ANO5: variants seen among roughly 807,000 people sequenced by gnomAD.
ANO5 encodes the protein anoctamin 5.
Under a neutral mutation model 121.0 loss-of-function variants are expected in ANO5, and 109 were observed. That is an observed-to-expected ratio of 0.90 (90% confidence interval 0.77 to 1.06). The LOEUF is 1.06. ANO5 is among the 50% of genes least tolerant of loss of function. The probability of loss-of-function intolerance (pLI) is 0.00; values close to 1 mark genes in which losing one functional copy is unlikely to be tolerated. For synonymous variants in ANO5, 406 were observed against 359.9 expected (o/e 1.13, Z -1.45); for missense variants, 1,064 against 1,078.5 (o/e 0.99, Z 0.19).
intron 2 of ANO5, among the ~76,000 whole-genome samples, chr11:22,208,192 G>T (rs538333049): frequency 6.6e-6 from 1 of 152,118 alleles, no homozygotes; most frequent in African/African-American, 2.4e-5. Flanking sequence ...TTATCCAGCA[G>T]AAATGTAAAC....
At chr11:22,203,606 T>C (rs932416097) in intron 1 of ANO5, among the ~76,000 whole-genome samples, 198 bp from the exon 2 acceptor site, 1 of 152,188 alleles carries the variant, frequency 6.6e-6, no homozygotes, top group Non-Finnish European at 1.5e-5. Flanking sequence ...TTTCCTGTTA[T>C]AGGCAGTTTT....
At chr11:22,272,761 A>G (rs200051920) in intron 18 of ANO5, 23 bp from the exon 19 acceptor site, 392 of 1,602,214 alleles carry the variant, frequency 2.4e-4, no homozygotes, top group Non-Finnish European at 3.2e-4. Flanking sequence ...TAATGAGTTC[A>G]TGCCTTTTTC....
intron 9 of ANO5, among the ~76,000 whole-genome samples, chr11:22,244,465 G>C (rs1481061180): frequency 6.6e-6 from 1 of 151,954 alleles, no homozygotes; most frequent in Non-Finnish European, 1.5e-5. Flanking sequence ...CATTTTTATA[G>C]ACTATATCCT....
chr11:22,269,571 GAAA>G (rs1228975968), intron 17 of ANO5, among the ~76,000 whole-genome samples: 2 of 146,356 alleles, frequency 1.4e-5, no homozygotes, highest in African/African-American at 2.7e-5. Context: ...GAAAAGGAAA[GAAA>G]AAAAGAAAGA....
Position 22,270,462 on chromosome 11 carries a change from T to A in ANO5, c.2029+20T>A, listed in dbSNP as rs751432635. Reference sequence around the variant, plus strand: ...AAACAGGTAATTTTTAACCACTGTTTTGAAACATAGAGTTGGCATGAATGA... The same window carrying A: ...AAACAGGTAATTTTTAACCACTGTTATGAAACATAGAGTTGGCATGAATGA... On this transcript the variant is annotated intron_variant, in intron 18 of 21. Transcript: ENST00000324559. 101 of 1,613,676 alleles carry A rather than the reference T, an allele frequency of 6.3e-5. No homozygotes were observed. The highest frequency in any genetic ancestry group is 8.4e-5 in the Non-Finnish European group (99 of 1,179,806).
At chr11:22,196,121 A>T (rs752065478) in intron 1 of ANO5, among the ~76,000 whole-genome samples, 17 of 152,146 alleles carry the variant, frequency 1.1e-4, no homozygotes, top group Non-Finnish European at 1.8e-4. Context: ...ATAACAGAAT[A>T]CCACAGCCTG....
At position 22,274,642 on chromosome 11, in the gene ANO5, CA is replaced by C. The variant is rs1854763925; in HGVS notation, c.2310del (p.Gln771SerfsTer3). On this transcript the variant is annotated frameshift_variant, in exon 20 of 22. Transcript: ENST00000324559. LOFTEE classifies it high-confidence loss of function. ...VYYYAYSTNA[T>X]QPMTGYVNNS... ...TACTATGCTTACTCAACAAATGCCA[CA>C]CAGCCTATGACAGGATATGTGAATA... 1 of 1,613,300 alleles carries C rather than the reference CA, an allele frequency of 6.2e-7. No individual in the cohort carries two copies. The highest frequency in any genetic ancestry group is 1.7e-5 in the Admixed American group (1 of 59,958).
intron 9 of ANO5, among the ~76,000 whole-genome samples, chr11:22,241,248 T>A (rs1853419473): frequency 6.6e-6 from 1 of 152,106 alleles, no homozygotes; most frequent in African/African-American, 2.4e-5. Context: ...TAGTTCCCAC[T>A]TACAAGTGGT....
At chr11:22,194,107 C>G (rs1349936245) in intron 1 of ANO5, among the ~76,000 whole-genome samples, 2 of 152,206 alleles carry the variant, frequency 1.3e-5, no homozygotes, top group Admixed American at 1.3e-4. Flanking sequence ...GCTGCTGCTG[C>G]TGCTGCTGCT....
chr11:22,258,570 G>T (rs1332372351), intron 14 of ANO5, among the ~76,000 whole-genome samples: 1 of 152,110 alleles, frequency 6.6e-6, no homozygotes, highest in Non-Finnish European at 1.5e-5. Context: ...AATATGGGAA[G>T]TATACAAAAT....
rs984866296 is a variant in ANO5 at position 22,193,142 on chromosome 11, A to G, written c.-351A>G. 2.7e-6 allele frequency: 3 copies of G among 1,114,838 alleles called. No homozygotes were observed. Among genetic ancestry groups the G allele is most frequent in the South Asian group, 2.5e-5 (1 of 39,834 alleles). 69.1% of individuals were successfully genotyped at this position (1,114,838 alleles called of 1,614,324 possible). A position where few individuals can be genotyped will look rare whatever the true frequency, so the allele number is the denominator to read the frequency against. ...GCGGCTGCGGGATCAGCTGCCGAGC[A>G]GGCACAGGGACAGGTGCCTGGAGAA... On this transcript the variant is annotated 5_prime_UTR_variant, in exon 1 of 22. Coordinates refer to ENST00000324559, the MANE Select transcript of ANO5 (RefSeq NM_213599.3).
At chr11:22,207,877 T>A (rs1242470403) in intron 2 of ANO5, among the ~76,000 whole-genome samples, 1 of 151,982 alleles carries the variant, frequency 6.6e-6, no homozygotes, top group Non-Finnish European at 1.5e-5. Flanking sequence ...AAATACATAT[T>A]GAGATCTTTC....
rs1305665401 is a variant in ANO5, at chr11:22,274,653, A to G, written c.2320A>G (p.Thr774Ala). The G allele has an allele frequency of 6.2e-7, 1 of 1,613,462 alleles. No homozygotes were observed. Among genetic ancestry groups the G allele is most frequent in the Non-Finnish European group, 8.5e-7 (1 of 1,179,686 alleles). Reference protein sequence around the residue: ...AYSTNATQPMTGYVNNSLSVF... With the variant: ...AYSTNATQPMAGYVNNSLSVF... ...CTCAACAAATGCCACACAGCCTATG[A>G]CAGGATATGTGAATAATAGCCTGTC... The change falls in exon 20 of 22, where the codon ACA (threonine) becomes GCA (alanine). Residue 774 changes from threonine to alanine, a missense_variant. Transcript: ENST00000324559.
chr11:22,246,334 T>C (rs1853614079), intron 9 of ANO5, among the ~76,000 whole-genome samples: 1 of 152,150 alleles, frequency 6.6e-6, no homozygotes, highest in Non-Finnish European at 1.5e-5. Context: ...TTTACATTTT[T>C]CCCCTATAAT....
At chr11:22,265,747 T>C (rs1408831554) in intron 17 of ANO5, among the ~76,000 whole-genome samples, 1 of 152,066 alleles carries the variant, frequency 6.6e-6, no homozygotes, top group Non-Finnish European at 1.5e-5. Context: ...ATTCTAAAAT[T>C]TATATGGATG....
chr11:22,255,468 G>A lies in ANO5; in HGVS notation c.1278G>A (p.Leu426=), dbSNP rs1428905884. The change falls in exon 13 of 22, where the codon CTG becomes CTA. Residue 426 remains leucine, a synonymous_variant. Coordinates refer to ENST00000324559, the MANE Select transcript of ANO5 (RefSeq NM_213599.3). ...AAGAGGAACAGCAGCAGCTTCAGCT[G>A]AGACCAGAATTTGAAGCTATGTGTA... ...DFEEEQQQLQ[L]RPEFEAMCKH... 6.2e-7 allele frequency: 1 copy of A among 1,613,576 alleles called. No homozygotes were observed. The highest frequency in any genetic ancestry group is 8.5e-7 in the Non-Finnish European group (1 of 1,179,616).
chr11:22,262,410 C>A, intron 16 of ANO5, 112 bp downstream of exon 16: 4 of 1,101,978 alleles, frequency 3.6e-6, no homozygotes, highest in Non-Finnish European at 5.3e-6. Context: ...TATATCTAGG[C>A]ACTGACTCTA....
chr11:22,209,445 T>C (rs1285177669), intron 2 of ANO5, among the ~76,000 whole-genome samples: 1 of 151,910 alleles, frequency 6.6e-6, no homozygotes, highest in Non-Finnish European at 1.5e-5. Flanking sequence ...CAGTTTTACA[T>C]ATGTATTTAA....
chr11:22,279,913 T>C lies in ANO5; in HGVS notation c.*148T>C. On this transcript the variant is annotated 3_prime_UTR_variant, in exon 22 of 22. Transcript: ENST00000324559. The stretch of plus-strand genomic sequence containing the variant: ...TTTAAACTCAAAGTTTTTATACACT[T>C]TTATAGAGGCCAACTTTGTGATGTT... 3 of 689,822 alleles carry C rather than the reference T, an allele frequency of 4.3e-6. No homozygotes were observed. In the South Asian group the frequency reaches 5.7e-5, roughly 13 times the overall value. 42.7% of individuals were successfully genotyped at this position (689,822 alleles called of 1,614,324 possible).
Sources: allele counts gnomAD v4.1 joint callset (sites outside exome capture counted in the v4.1 genomes callset), GRCh38; gene constraint gnomAD v4.1.1; transcripts MANE v1.5; gene names NCBI Gene and HGNC (gene_info 2026-07-23, HGNC 2026-07-21).